The following SAMD5 variants were observed in gnomAD, a reference collection of about 807,000 sequenced individuals.
The protein encoded by SAMD5 is sterile alpha motif domain-containing protein 5.
SAMD5 carries 13 observed loss-of-function variants against 11.3 expected under a neutral mutation model. The observed-to-expected ratio is 1.15, with a 90% CI of 0.75 to 1.83. The LOEUF (loss-of-function observed/expected upper bound fraction) is 1.83, where lower values mean the gene tolerates loss of function less well. SAMD5 is among the 40% of genes most tolerant of loss of function. SAMD5 has a pLI of 0.00. For synonymous variants in SAMD5, 129 were observed against 111.3 expected (o/e 1.16, Z -1.00); for missense variants, 255 against 239.1 (o/e 1.07, Z -0.44).
In SAMD5 at chr6:147,670,016, TAA is replaced by T. The variant is rs564951831; in HGVS notation, c.163-67300_163-67299del. Among the ~76,000 whole-genome samples, 27 of 152,310 alleles carry T rather than the reference TAA, an allele frequency of 1.8e-4. No homozygotes were observed. In the South Asian group the frequency reaches 5.6e-3, roughly 32 times the overall value. ...CACCTTACGAAATGTGTTTCTTAAA[TAA>T]GACTTGAAAGTCAGAATTACTCCTT... On this transcript the variant is annotated intron_variant, in intron 1 of 1. Transcript: ENST00000566741.
intron 1 of SAMD5, among the ~76,000 whole-genome samples, chr6:147,695,031 G>A (rs77841332): frequency 0.016 from 2,398 of 152,252 alleles, 54 homozygotes; most frequent in South Asian, 0.072. Context: ...TCAAAGCTCT[G>A]TCATTGTCTG....
At chr6:147,603,729 G>A (rs1007180777) in intron 1 of SAMD5, among the ~76,000 whole-genome samples, 4 of 151,840 alleles carry the variant, frequency 2.6e-5, no homozygotes, top group African/African-American at 9.7e-5. Context: ...AAGGGTTCAT[G>A]TAAATTGACA....
At chr6:147,513,366 A>G (rs574107976) in intron 1 of SAMD5, among the ~76,000 whole-genome samples, 1 of 152,312 alleles carries the variant, frequency 6.6e-6, no homozygotes, top group South Asian at 2.1e-4. Context: ...CAGAACTTAA[A>G]TGATTGTTTG....
chr6:147,749,699 A>T, the SAMD5 span, among the ~76,000 whole-genome samples: 1 of 152,172 alleles, frequency 6.6e-6, no homozygotes, highest in African/African-American at 2.4e-5. Context: ...TATTCAGAGG[A>T]TATATTGACT....
chr6:147,663,903 ATTTTTTT>A (rs201468036), intron 1 of SAMD5, among the ~76,000 whole-genome samples: 1 of 142,152 alleles, frequency 7.0e-6, no homozygotes, highest in African/African-American at 2.6e-5. Context: ...TTACATGTAA[ATTTTTTT>A]TTTTTTTTTT....
chr6:147,621,564 C>G (rs1789968281), intron 1 of SAMD5, among the ~76,000 whole-genome samples: 1 of 152,320 alleles, frequency 6.6e-6, no homozygotes, highest in South Asian at 2.1e-4. Flanking sequence ...TTGGCCTGAG[C>G]CTGTCAAGGC....
chr6:147,543,441 CAG>C (rs1394070233), intron 1 of SAMD5, among the ~76,000 whole-genome samples: 12 of 152,152 alleles, frequency 7.9e-5, no homozygotes, highest in Admixed American at 3.3e-4. Context: ...AATTTACTAT[CAG>C]AGTCTTCATA....
chr6:147,830,338 C>T, the SAMD5 span, among the ~76,000 whole-genome samples: 3 of 145,072 alleles, frequency 2.1e-5, no homozygotes, highest in Non-Finnish European at 1.5e-5. Flanking sequence ...CTCACTGCAA[C>T]CTCCACTTCC....
At chr6:147,746,493 A>T in the SAMD5 span, among the ~76,000 whole-genome samples, 25 of 152,320 alleles carry the variant, frequency 1.6e-4, no homozygotes, top group East Asian at 4.2e-3. Flanking sequence ...CTTCACTTTC[A>T]TGTACTTTGT....
At chr6:147,909,621 TTTCTTTCTTTCTC>T in the SAMD5 span, among the ~76,000 whole-genome samples, 151 of 64,300 alleles carry the variant, frequency 2.3e-3, 6 homozygotes, top group South Asian at 0.024. Flanking sequence ...TCTTTCTTTC[TTTCTTTCTTTCTC>T]TTTCTTGTCT....
At chr6:147,788,236 T>C in the SAMD5 span, among the ~76,000 whole-genome samples, 1 of 152,230 alleles carries the variant, frequency 6.6e-6, no homozygotes, top group Non-Finnish European at 1.5e-5. Context: ...GATATTTCAG[T>C]ATACATATTG....
the SAMD5 span, among the ~76,000 whole-genome samples, chr6:147,951,049 TA>T: frequency 2.6e-5 from 4 of 151,460 alleles, no homozygotes; most frequent in African/African-American, 2.4e-5. Flanking sequence ...AAATAGGACT[TA>T]AAAAAATTTT....
chr6:147,594,180 G>A (rs941446240), intron 1 of SAMD5, among the ~76,000 whole-genome samples: 1 of 152,114 alleles, frequency 6.6e-6, no homozygotes. Flanking sequence ...GCAACAATAA[G>A]CACTTCCATT....
At chr6:147,863,593 T>C in the SAMD5 span, among the ~76,000 whole-genome samples, 1 of 152,000 alleles carries the variant, frequency 6.6e-6, no homozygotes, top group Admixed American at 6.6e-5. Flanking sequence ...CCCGACCCCC[T>C]TTTCTCCCCT....
chr6:147,754,176 G>A, the SAMD5 span, among the ~76,000 whole-genome samples: 4 of 152,174 alleles, frequency 2.6e-5, no homozygotes, highest in East Asian at 1.9e-4. Context: ...AACAGTGTAC[G>A]AGGGTTCCCT....
At position 147,566,632 on chromosome 6, in the gene SAMD5, T is replaced by G. The variant is rs1789046104; in HGVS notation, c.*2176T>G. 1.0e-6 allele frequency: 1 copy of G among 980,160 alleles called. No individual in the cohort carries two copies. Among genetic ancestry groups the G allele is most frequent in the Admixed American group, 6.2e-5 (1 of 16,252 alleles). 60.7% of individuals were successfully genotyped at this position (980,160 alleles called of 1,614,324 possible). ...CTAACTTCAATTATTTTGCCAGGTT[T>G]AAACCTTCTCTCTGTGTCTGTGGTT... On this transcript the variant is annotated 3_prime_UTR_variant, in exon 2 of 2. Transcript: ENST00000367474.
At chr6:147,697,767 G>C (rs562841620) in intron 1 of SAMD5, among the ~76,000 whole-genome samples, 48 of 152,288 alleles carry the variant, frequency 3.2e-4, no homozygotes, top group Middle Eastern at 3.4e-3. Context: ...GATATGGTGA[G>C]TTTCAGTTCT....
the SAMD5 span, among the ~76,000 whole-genome samples, chr6:147,915,645 T>A: frequency 6.6e-6 from 1 of 152,236 alleles, no homozygotes. Context: ...TCCATTCACA[T>A]CTAAACATAC....
At chr6:147,538,875 T>G (rs1788554586) in intron 1 of SAMD5, among the ~76,000 whole-genome samples, 1 of 152,238 alleles carries the variant, frequency 6.6e-6, no homozygotes, top group Non-Finnish European at 1.5e-5. Context: ...TTTATTTTTC[T>G]GACAAAATAT....
Sources: allele counts gnomAD v4.1 joint callset (sites outside exome capture counted in the v4.1 genomes callset), GRCh38; gene constraint gnomAD v4.1.1; transcripts MANE v1.5; gene names NCBI Gene and HGNC (gene_info 2026-07-23, HGNC 2026-07-21).